The following TLR2 variants were observed in gnomAD, a reference collection of about 807,000 sequenced individuals.
TLR2 encodes the protein toll-like receptor 2.
TLR2 carries 7 observed loss-of-function variants against 9.1 expected under a neutral mutation model. That is an observed-to-expected ratio of 0.77 (90% CI 0.44 to 1.44). TLR2 has a LOEUF of 1.44. TLR2 is among the 40% of genes most tolerant of loss of function. The pLI is 0.01. For synonymous variants in TLR2, 317 were observed against 344.6 expected (o/e 0.92, Z 0.89); for missense variants, 812 against 904.6 (o/e 0.90, Z 1.31).
At chr4:153,709,150 C>T (rs1402187825), downstream of TLR2, among the ~76,000 whole-genome samples, 3 of 152,144 alleles carry the variant, frequency 2.0e-5, no homozygotes, top group African/African-American at 4.8e-5. Context: ...GGACCCTGAC[C>T]TATTTCAATA....
At chr4:153,686,185 T>C (rs1219693092) in intron 1 of TLR2, among the ~76,000 whole-genome samples, 1 of 152,134 alleles carries the variant, frequency 6.6e-6, no homozygotes, top group Non-Finnish European at 1.5e-5. Flanking sequence ...GCCGAGATCA[T>C]GCCACTGCAC....
intron 2 of TLR2, among the ~76,000 whole-genome samples, chr4:153,691,959 G>A (rs1235674633): frequency 6.6e-6 from 1 of 152,164 alleles, no homozygotes; most frequent in Non-Finnish European, 1.5e-5. Context: ...AGTGGGGGCA[G>A]CACAAAGTAT....
At position 153,704,255 on chromosome 4, in the gene TLR2, A is replaced by G. The variant is rs1579006488; in HGVS notation, c.1348A>G (p.Ser450Gly). Residue 450 changes from serine to glycine, a missense_variant, in exon 3 of 3, where the codon AGT becomes GGT. Physicochemically the swap from Ser to Gly is moderately conservative, Grantham distance 56. Coordinates refer to ENST00000642700, the MANE Select transcript of TLR2 (RefSeq NM_001318789.2). ...GAACTTATCCAGCACACGAATACACAGTGTAACAGGCTGCATTCCCAAGAC... is the reference window on the plus strand; with the variant it reads ...GAACTTATCCAGCACACGAATACACGGTGTAACAGGCTGCATTCCCAAGAC... ...YLNLSSTRIH[S>G]VTGCIPKTLE... 6.2e-7 allele frequency: 1 copy of G among 1,614,196 alleles called. No homozygotes were observed. Among genetic ancestry groups the G allele is most frequent in the Non-Finnish European group, 8.5e-7 (1 of 1,180,028 alleles).
intron 1 of TLR2, among the ~76,000 whole-genome samples, chr4:153,684,952 C>CGAGCTA (rs1560732795): frequency 6.6e-6 from 1 of 152,198 alleles, no homozygotes; most frequent in Non-Finnish European, 1.5e-5. Flanking sequence ...AGGCTTTCAA[C>CGAGCTA]GAGCTAGCGT....
chr4:153,686,657 T>C lies in TLR2; in HGVS notation c.-162-1245T>C, dbSNP rs115210928. ...GTTTCACTGAGAAGAAATAAAAATT[T>C]TGAATTTATAAGTACTTATAACAAC... On this transcript the variant is annotated intron_variant, in intron 1 of 2. Coordinates refer to ENST00000642700, the MANE Select transcript of TLR2 (RefSeq NM_001318789.2). 5.0e-3 allele frequency among the ~76,000 whole-genome samples: 758 copies of C among 152,260 alleles called. 7 individuals carry two copies. Among genetic ancestry groups the C allele is most frequent in the African/African-American group, 0.017 (727 of 41,560 alleles).
At position 153,704,488 on chromosome 4, in the gene TLR2, T is replaced by A. The variant is rs369000227; in HGVS notation, c.1581T>A (p.Thr527=). Residue 527 remains threonine, a synonymous_variant, in exon 3 of 3, where the codon ACT becomes ACA. Transcript: ENST00000642700. ...TTGACTCATTTCACACACTGAAGAC[T>A]TTGGAAGCTGGTGGCAATAACTTCA... The part of the protein sequence containing the change: ...EQLDSFHTLK[T]LEAGGNNFIC... 1.1e-5 allele frequency: 17 copies of A among 1,613,944 alleles called. No individual in the cohort carries two copies. The highest frequency in any genetic ancestry group is 1.4e-5 in the Non-Finnish European group (17 of 1,179,992).
At chr4:153,693,946 C>T (rs1487167510) in intron 2 of TLR2, among the ~76,000 whole-genome samples, 1 of 152,124 alleles carries the variant, frequency 6.6e-6, no homozygotes, top group Non-Finnish European at 1.5e-5. Flanking sequence ...TCGTGGAGAC[C>T]CTAACCCAGC....
intron 2 of TLR2, among the ~76,000 whole-genome samples, chr4:153,694,777 CTAAGTA>C (rs1736374070): frequency 1.3e-5 from 2 of 152,128 alleles, no homozygotes; most frequent in Non-Finnish European, 2.9e-5. Context: ...TTCATTTTAT[CTAAGTA>C]TATTTGTGTA....
At chr4:153,687,660 C>T (rs2127011056) in intron 1 of TLR2, among the ~76,000 whole-genome samples, 1 of 152,228 alleles carries the variant, frequency 6.6e-6, no homozygotes, top group East Asian at 1.9e-4. Flanking sequence ...TTTAGCCAAT[C>T]ACAGGCAGCC....
chr4:153,684,741 C>CG (rs967308778), intron 1 of TLR2, among the ~76,000 whole-genome samples: 126 of 152,186 alleles, frequency 8.3e-4, no homozygotes, highest in African/African-American at 2.7e-3. Flanking sequence ...TTGCAGGCCC[C>CG]GGGGGGGTTG....
chr4:153,699,035 T>C (rs1560745367), intron 2 of TLR2, among the ~76,000 whole-genome samples: 1 of 152,146 alleles, frequency 6.6e-6, no homozygotes, highest in Admixed American at 6.5e-5. Flanking sequence ...GAGAGATAAT[T>C]AGACAGTTTG....
intron 2 of TLR2, among the ~76,000 whole-genome samples, chr4:153,696,977 A>G (rs202027796): frequency 2.0e-5 from 3 of 152,196 alleles, no homozygotes; most frequent in Admixed American, 2.0e-4. Flanking sequence ...GCTATAAAGT[A>G]TGAGGGGATG....
intron 2 of TLR2, among the ~76,000 whole-genome samples, chr4:153,697,182 GT>G (rs1000312095): frequency 4.6e-5 from 7 of 151,638 alleles, no homozygotes; most frequent in Admixed American, 3.3e-4. Context: ...AAAATTCTAA[GT>G]TTTTTTTTAA....
downstream of TLR2, among the ~76,000 whole-genome samples, chr4:153,706,699 G>C (rs925206957): frequency 3.9e-5 from 6 of 152,206 alleles, no homozygotes; most frequent in Non-Finnish European, 7.3e-5. Flanking sequence ...GTGAGCCTTT[G>C]ACCCCTGCTC....
At chr4:153,706,583 C>CTAGG (rs1737339790), downstream of TLR2, among the ~76,000 whole-genome samples, 1 of 152,164 alleles carries the variant, frequency 6.6e-6, no homozygotes, top group South Asian at 2.1e-4. Flanking sequence ...ATTTTGCAAT[C>CTAGG]TAGGTATAAT....
chr4:153,702,935 G>C lies in TLR2; in HGVS notation c.28G>C (p.Val10Leu). Residue 10 changes from valine to leucine, a missense_variant, in exon 3 of 3, where the codon GTC (valine) becomes CTC (leucine). Physicochemically the swap from Val to Leu is conservative, Grantham distance 32. Transcript: ENST00000642700. ...GCCACATACTTTGTGGATGGTGTGG[G>C]TCTTGGGGGTCATCATCAGCCTCTC... MPHTLWMVW[V>L]LGVIISLSKE... 1 of 1,606,108 alleles carries C rather than the reference G, an allele frequency of 6.2e-7. No homozygotes were observed. The highest frequency in any genetic ancestry group is 8.5e-7 in the Non-Finnish European group (1 of 1,176,184).
Position 153,704,288 on chromosome 4 carries a change from A to AT in TLR2, c.1385dup (p.Leu462PhefsTer4). 6.2e-7 allele frequency: 1 copy of AT among 1,614,062 alleles called. No individual in the cohort carries two copies. The highest frequency in any genetic ancestry group is 8.5e-7 in the Non-Finnish European group (1 of 1,180,006). ...AGGCTGCATTCCCAAGACACTGGAA[A>AT]TTTTAGATGTTAGCAACAACAATCT... On this transcript the variant is annotated frameshift_variant, in exon 3 of 3. Transcript: ENST00000642700. LOFTEE classifies it low-confidence loss of function (END_TRUNC).
chr4:153,705,543 A>C lies in TLR2; in HGVS notation c.*281A>C. ...ATATAGTCCCTTGGTATCCAAGGGA[A>C]TTGGTTGCAGGATCCTCGTGGATAT... On this transcript the variant is annotated 3_prime_UTR_variant, in exon 3 of 3. Coordinates refer to ENST00000642700, the MANE Select transcript of TLR2 (RefSeq NM_001318789.2). The C allele has an allele frequency of 3.8e-6, 1 of 261,774 alleles. No homozygotes were observed. The highest frequency in any genetic ancestry group is 7.7e-6 in the Non-Finnish European group (1 of 129,300). The allele number at this position is 261,774 out of a possible 1,614,324, so 16.2% of individuals were successfully genotyped here.
At position 153,705,361 on chromosome 4, in the gene TLR2, T is replaced by G. The variant is rs930739608; in HGVS notation, c.*99T>G. 10 of 1,289,860 alleles carry G rather than the reference T, an allele frequency of 7.8e-6. No individual in the cohort carries two copies. The highest frequency in any genetic ancestry group is 7.5e-5 in the African/African-American group (5 of 66,458). The allele number at this position is 1,289,860 out of a possible 1,614,324, so 79.9% of individuals were successfully genotyped here. A position where few individuals can be genotyped will look rare whatever the true frequency, so the allele number is the denominator to read the frequency against. Reference sequence around the variant, plus strand: ...CATAATTATATAAAAACTACGTGGATGTACCGTCATTTGAGGACTTGCTTA... The same window carrying G: ...CATAATTATATAAAAACTACGTGGAGGTACCGTCATTTGAGGACTTGCTTA... On this transcript the variant is annotated 3_prime_UTR_variant, in exon 3 of 3. Coordinates refer to ENST00000642700, the MANE Select transcript of TLR2 (RefSeq NM_001318789.2).
Sources: allele counts gnomAD v4.1 joint callset (sites outside exome capture counted in the v4.1 genomes callset), GRCh38; gene constraint gnomAD v4.1.1; transcripts MANE v1.5; gene names NCBI Gene and HGNC (gene_info 2026-07-23, HGNC 2026-07-21).